TNFAIP8: variants seen among roughly 807,000 people sequenced by gnomAD.
The protein encoded by TNFAIP8 is tumor necrosis factor alpha-induced protein 8.
In TNFAIP8, 7 loss-of-function variants were observed where a neutral mutation model predicts 13.3. The observed-to-expected ratio is 0.52, with a 90% CI of 0.30 to 0.99. TNFAIP8 has a LOEUF of 0.99. Among genes scored for constraint, TNFAIP8 ranks in the 50% least tolerant of loss-of-function variants. TNFAIP8 has a pLI of 0.07. For synonymous variants in TNFAIP8, 94 were observed against 87.6 expected (o/e 1.07, Z -0.41); for missense variants, 258 against 236.9 (o/e 1.09, Z -0.58).
intron 1 of TNFAIP8, among the ~76,000 whole-genome samples, chr5:119,359,146 G>A (rs908763932): frequency 6.6e-6 from 1 of 152,068 alleles, no homozygotes; most frequent in East Asian, 1.9e-4. Context: ...AGAATGCCCC[G>A]CCTTCCACCT....
intron 1 of TNFAIP8, among the ~76,000 whole-genome samples, chr5:119,331,814 G>C (rs993198706): frequency 2.0e-5 from 3 of 152,176 alleles, no homozygotes; most frequent in Non-Finnish European, 2.9e-5. Context: ...CACCACTGAG[G>C]TCACATTTTA....
At chr5:119,367,952 T>C (rs1751924171) in intron 1 of TNFAIP8, among the ~76,000 whole-genome samples, 1 of 152,234 alleles carries the variant, frequency 6.6e-6, no homozygotes, top group Non-Finnish European at 1.5e-5. Context: ...GATATTTGAA[T>C]AGTCATGAGA....
chr5:119,365,877 C>G (rs999886185), intron 1 of TNFAIP8, among the ~76,000 whole-genome samples: 2 of 151,938 alleles, frequency 1.3e-5, no homozygotes, highest in Non-Finnish European at 2.9e-5. Flanking sequence ...AAGAGGTAGA[C>G]AGAATTCAGG....
chr5:119,301,044 A>C (rs1037460005), intron 1 of TNFAIP8, among the ~76,000 whole-genome samples: 1 of 152,206 alleles, frequency 6.6e-6, no homozygotes, highest in Non-Finnish European at 1.5e-5. Flanking sequence ...TTCAGAATTC[A>C]GATCCTTATT....
At chr5:119,348,750 C>A (rs1313285557) in intron 1 of TNFAIP8, among the ~76,000 whole-genome samples, 1 of 151,986 alleles carries the variant, frequency 6.6e-6, no homozygotes, top group Non-Finnish European at 1.5e-5. Flanking sequence ...CAGGGTGGCA[C>A]ATGCCTGTAA....
At chr5:119,298,077 C>T (rs1355514791) in intron 1 of TNFAIP8, among the ~76,000 whole-genome samples, 1 of 152,162 alleles carries the variant, frequency 6.6e-6, no homozygotes, top group African/African-American at 2.4e-5. Flanking sequence ...CAGTCTGTGT[C>T]TTTTAATTGG....
chr5:119,395,077 C>T lies in TNFAIP8; in HGVS notation c.*1696C>T, dbSNP rs1753042373. ...TTCTCTGACACCCTCATTTGCTTGG[C>T]TAAGACAAGCAGCAAAGGTGTAGAG... On this transcript the variant is annotated 3_prime_UTR_variant, in exon 2 of 2. Transcript: ENST00000504771. 1 of 152,092 alleles carries T rather than the reference C, an allele frequency of 6.6e-6. No individual in the cohort carries two copies. The highest frequency in any genetic ancestry group is 2.1e-4 in the South Asian group (1 of 4,824). 9.4% of individuals were successfully genotyped at this position (152,092 alleles called of 1,614,324 possible). A position where few individuals can be genotyped will look rare whatever the true frequency, so the allele number is the denominator to read the frequency against.
chr5:119,285,726 C>G (rs59473275), intron 1 of TNFAIP8, among the ~76,000 whole-genome samples: 1,545 of 152,236 alleles, frequency 0.01, 17 homozygotes, highest in African/African-American at 0.035. Context: ...ATACAAAAAG[C>G]GTTCATTACA....
At chr5:119,332,924 CTGA>C (rs1471255961) in intron 1 of TNFAIP8, among the ~76,000 whole-genome samples, 2 of 152,154 alleles carry the variant, frequency 1.3e-5, no homozygotes, top group African/African-American at 2.4e-5. Flanking sequence ...AAGCAAAAGG[CTGA>C]TGATTTTAAG....
Position 119,399,426 on chromosome 5 carries a change from A to C in TNFAIP8, c.*6045A>C, listed in dbSNP as rs1753145809. 1 of 152,238 alleles carries C rather than the reference A, an allele frequency of 6.6e-6. No individual in the cohort carries two copies. Among genetic ancestry groups the C allele is most frequent in the Non-Finnish European group, 1.5e-5 (1 of 68,046 alleles). 9.4% of individuals were successfully genotyped at this position (152,238 alleles called of 1,614,324 possible). On this transcript the variant is annotated 3_prime_UTR_variant, in exon 2 of 2. Coordinates refer to ENST00000504771, the MANE Select transcript of TNFAIP8 (RefSeq NM_014350.4). Reference sequence around the variant, plus strand: ...AAGGCTCTGAGACCTCCTGAAGGCTATTCCTATGTGAGGTATTGTTTACGG... The same window carrying C: ...AAGGCTCTGAGACCTCCTGAAGGCTCTTCCTATGTGAGGTATTGTTTACGG...
chr5:119,317,419 TAG>T (rs962128096), intron 1 of TNFAIP8, among the ~76,000 whole-genome samples: 2 of 152,076 alleles, frequency 1.3e-5, no homozygotes, highest in African/African-American at 4.8e-5. Context: ...CTATGTGCTG[TAG>T]AGACTTTTTA....
intron 1 of TNFAIP8, among the ~76,000 whole-genome samples, chr5:119,382,493 A>G (rs1752522804): frequency 1.3e-5 from 2 of 152,178 alleles, no homozygotes. Context: ...CTCCTTTCAC[A>G]AGACCTGATC....
chr5:119,285,123 T>C (rs116497197), intron 1 of TNFAIP8, among the ~76,000 whole-genome samples: 149 of 152,226 alleles, frequency 9.8e-4, no homozygotes, highest in African/African-American at 3.4e-3. Context: ...CATTATTTGG[T>C]ACTAGGTAAT....
intron 1 of TNFAIP8, among the ~76,000 whole-genome samples, chr5:119,305,274 A>T (rs1749516527): frequency 6.6e-6 from 1 of 152,188 alleles, no homozygotes; most frequent in Non-Finnish European, 1.5e-5. Flanking sequence ...CTATTTTCTT[A>T]ATTGAATATG....
chr5:119,337,136 T>C (rs1271942161), intron 1 of TNFAIP8, among the ~76,000 whole-genome samples: 1 of 152,138 alleles, frequency 6.6e-6, no homozygotes, highest in Non-Finnish European at 1.5e-5. Flanking sequence ...CATGAAATAT[T>C]TGCTTGTGGA....
At position 119,356,033 on chromosome 5, in the gene TNFAIP8, C is replaced by A. The variant is rs1469547116; in HGVS notation, c.-58C>A. 3 of 1,541,306 alleles carry A rather than the reference C, an allele frequency of 1.9e-6. No individual in the cohort carries two copies. Among genetic ancestry groups the A allele is most frequent in the East Asian group, 2.5e-5 (1 of 40,240 alleles). On this transcript the variant is annotated 5_prime_UTR_variant, in exon 1 of 2. Transcript: ENST00000504771. ...CGGATTTCGCTGCAGAGCGAACTTGCGGCTCGTCCGAGTACATGTGAGCGG... is the reference window on the plus strand; with the variant it reads ...CGGATTTCGCTGCAGAGCGAACTTGAGGCTCGTCCGAGTACATGTGAGCGG...
intron 1 of TNFAIP8, among the ~76,000 whole-genome samples, chr5:119,391,037 C>T (rs1262417405): frequency 6.8e-6 from 1 of 146,446 alleles, no homozygotes; most frequent in Admixed American, 7.0e-5. Flanking sequence ...TGCTATGTTG[C>T]CCAGGCTGGT....
intron 1 of TNFAIP8, among the ~76,000 whole-genome samples, chr5:119,309,308 A>G (rs755998647): frequency 2.0e-5 from 3 of 152,214 alleles, no homozygotes; most frequent in Non-Finnish European, 2.9e-5. Context: ...GACACTTACC[A>G]TACTTTCAGC....
intron 1 of TNFAIP8, among the ~76,000 whole-genome samples, chr5:119,371,129 T>C (rs1752053633): frequency 6.6e-6 from 1 of 152,228 alleles, no homozygotes; most frequent in Non-Finnish European, 1.5e-5. Flanking sequence ...TTTTATTCTG[T>C]AGATGTAGTG....
Sources: gnomAD v4.1 joint callset for allele counts (sites outside exome capture counted in the v4.1 genomes callset) on GRCh38, gnomAD v4.1.1 for gene constraint, MANE v1.5 for transcripts, NCBI Gene and HGNC (gene_info 2026-07-23, HGNC 2026-07-21) for gene names.